SERPINB3: variants seen among roughly 807,000 people sequenced by gnomAD.
The protein encoded by SERPINB3 is serpin B3.
A neutral mutation model predicts 33.0 loss-of-function variants in SERPINB3; 33 were observed. That is an observed-to-expected ratio of 1.00 (90% confidence interval 0.76 to 1.34). The LOEUF (loss-of-function observed/expected upper bound fraction) is 1.34, where lower values mean the gene tolerates loss of function less well. Ranked by LOEUF, SERPINB3 falls within the 40% of genes most tolerant of loss-of-function variation. SERPINB3 has a pLI of 0.00. For missense variants in SERPINB3, 518 were observed against 461.5 expected, an observed-to-expected ratio of 1.12 and a Z score of -1.12; for synonymous variants, 200 against 170.9, an observed-to-expected ratio of 1.17 and a Z score of -1.33.
chr18:63,660,914 G>A, intron 2 of SERPINB3, 58 bp from the exon 3 acceptor site: 2 of 1,612,344 alleles, frequency 1.2e-6, no homozygotes, highest in Non-Finnish European at 1.7e-6. Flanking sequence ...GTTTAAGTCA[G>A]TGGTCTCACA....
At position 63,656,844 on chromosome 18, in the gene SERPINB3, T is replaced by C; in HGVS notation, c.755A>G (p.Asp252Gly). ...GCAAGTTCTTACCTTCTGGAGACCATCGATTTCATTTGGCAGCAACACAAT... is the reference window on the plus strand; with the variant it reads ...GCAAGTTCTTACCTTCTGGAGACCACCGATTTCATTTGGCAGCAACACAAT... The part of the protein sequence containing the change: ...SMIVLLPNEI[D>G]GLQKLEEKLT... The change falls in exon 7 of 8, where the codon GAT becomes GGT. Residue 252 changes from aspartate (D) to glycine (G), a missense_variant. Transcript: ENST00000283752. 1 of 1,610,524 alleles carries C rather than the reference T, an allele frequency of 6.2e-7. No individual in the cohort carries two copies. The highest frequency in any genetic ancestry group is 2.2e-5 in the East Asian group (1 of 44,852).
intron 3 of SERPINB3, among the ~76,000 whole-genome samples, chr18:63,659,950 C>T (rs1284200697): frequency 2.6e-5 from 4 of 152,160 alleles, no homozygotes; most frequent in Non-Finnish European, 5.9e-5. Flanking sequence ...CCCTGTTATA[C>T]CTGTTGGTGC....
At position 63,656,695 on chromosome 18, in the gene SERPINB3, G is replaced by A. The variant is rs1913505189; in HGVS notation, c.768+136C>T. 3.0e-6 allele frequency: 3 copies of A among 1,011,964 alleles called. No homozygotes were observed. In the African/African-American group the frequency reaches 4.9e-5, roughly 16 times the overall value. 62.7% of individuals were successfully genotyped at this position (1,011,964 alleles called of 1,614,324 possible). On this transcript the variant is annotated intron_variant, in intron 7 of 7. Transcript: ENST00000283752. ...ATGCTTAAATCTTTGTAATATGAAGGTGAGTCATCATTCCTCATTTAGAAT... is the reference window on the plus strand; with the variant it reads ...ATGCTTAAATCTTTGTAATATGAAGATGAGTCATCATTCCTCATTTAGAAT...
chr18:63,661,367 C>G, intron 1 of SERPINB3, 125 bp from the exon 2 acceptor site: 2 of 1,077,444 alleles, frequency 1.9e-6, no homozygotes, highest in Non-Finnish European at 2.7e-6. Flanking sequence ...TTTTCCTCAT[C>G]TTATTTTTAA....
At chr18:63,659,649 T>A (rs2144496353) in intron 3 of SERPINB3, 122 bp from the exon 4 acceptor site, 1 of 1,306,760 alleles carries the variant, frequency 7.7e-7, no homozygotes, top group Middle Eastern at 2.6e-4. Flanking sequence ...TTGAGCTTAT[T>A]CCCTGATACT....
chr18:63,657,292 T>C lies in SERPINB3; in HGVS notation c.590A>G (p.Glu197Gly). ...TACCTTGTTTGGCCAAAATTTTTCC[T>C]CTTTAGTATCTTCTTTATTAAATTT... ...EKKFNKEDTK[E>G]EKFWPNKNTY... is the part of the protein sequence containing the mutation. The change falls in exon 6 of 8, where the codon GAG becomes GGG. Residue 197 changes from glutamate (E) to glycine (G), a missense_variant. Coordinates refer to ENST00000283752, the MANE Select transcript of SERPINB3 (RefSeq NM_006919.3). 1 of 1,589,540 alleles carries C rather than the reference T, an allele frequency of 6.3e-7. No homozygotes were observed. Among genetic ancestry groups the C allele is most frequent in the South Asian group, 1.2e-5 (1 of 86,280 alleles).
At chr18:63,657,467 G>A (rs1913528174) in intron 5 of SERPINB3, 55 bp from the exon 6 acceptor site, 3 of 1,433,802 alleles carry the variant, frequency 2.1e-6, no homozygotes, top group Non-Finnish European at 2.8e-6. Context: ...GGCTTGTCTG[G>A]AAGATGCTTT....
At position 63,655,779 on chromosome 18, in the gene SERPINB3, CT is replaced by C. The variant is rs201374310; in HGVS notation, c.1050del (p.Gly351AspfsTer23). On this transcript the variant is annotated frameshift_variant, in exon 8 of 8. Transcript: ENST00000283752. LOFTEE classifies it low-confidence loss of function (END_TRUNC). ...GTTGAAGTAGGTGATGATCCGAATCCTACTACAGCGGTGGCAGCTGCAGCTT... is the reference window on the plus strand; with the variant it reads ...GTTGAAGTAGGTGATGATCCGAATCCACTACAGCGGTGGCAGCTGCAGCTT... ...GAEAAAATAV[V>X]GFGSSPTSTN... The C allele has an allele frequency of 0.01, 16,710 of 1,613,816 alleles. 1,134 individuals are homozygous for C. The African/African-American group carries it at 0.17, about 16-fold the overall frequency.
At chr18:63,659,577 A>T (rs1390640838) in intron 3 of SERPINB3, 50 bp from the exon 4 acceptor site, 1 of 1,611,856 alleles carries the variant, frequency 6.2e-7, no homozygotes, top group East Asian at 2.2e-5. Context: ...CAATGTAAAT[A>T]CTAAACCCAT....
intron 5 of SERPINB3, 76 bp downstream of exon 5, chr18:63,658,437 C>T: frequency 4.9e-6 from 6 of 1,217,178 alleles, no homozygotes; most frequent in Non-Finnish European, 7.2e-6. Context: ...ACCCATGGTC[C>T]CCCATGCAGT....
In SERPINB3 at chr18:63,656,749, C is replaced by T. The variant is rs1337873488; in HGVS notation, c.768+82G>A. ...TCATTATTTTGAGGCAACTCGGTCA[C>T]CAGCTTTTACCTTGTTTAAACTTGG... is the stretch of plus-strand genomic sequence containing the variant. On this transcript the variant is annotated intron_variant, in intron 7 of 7. Transcript: ENST00000283752. The T allele has an allele frequency of 6.9e-6, 10 of 1,454,352 alleles. 1 individual carries two copies. In the East Asian group the frequency reaches 1.6e-4, roughly 24 times the overall value. The allele number at this position is 1,454,352 out of a possible 1,614,324, so 90.1% of individuals were successfully genotyped here.
In SERPINB3 at chr18:63,658,441, A is replaced by G. The variant is rs1913553864; in HGVS notation, c.469+72T>C. The stretch of plus-strand genomic sequence containing the variant: ...TCTCAATTCCCACCCATGGTCCCCC[A>G]TGCAGTTTCAGGCATAGGGCTCACT... On this transcript the variant is annotated intron_variant, in intron 5 of 7. Transcript: ENST00000283752. 8.6e-6 allele frequency: 11 copies of G among 1,283,952 alleles called. No individual in the cohort carries two copies. The East Asian group carries it at 2.3e-4, about 27-fold the overall frequency. 79.5% of individuals were successfully genotyped at this position (1,283,952 alleles called of 1,614,324 possible). A position where few individuals can be genotyped will look rare whatever the true frequency, so the allele number is the denominator to read the frequency against.
At position 63,659,461 on chromosome 18, in the gene SERPINB3, C is replaced by G; in HGVS notation, c.289G>C (p.Asp97His). The G allele has an allele frequency of 5.0e-6, 8 of 1,613,626 alleles. 1 individual carries two copies. In the South Asian group the frequency reaches 6.6e-5, roughly 13 times the overall value. ...KLLTEFNKST[D>H]AYELKIANKL... is the part of the protein sequence containing the mutation. ...TTGGCGATCTTCAGCTCATATGCAT[C>G]AGTGGATTTGTTGAATTCAGTCAGA... The change falls in exon 4 of 8, where the codon GAT becomes CAT. Residue 97 changes from aspartate (D) to histidine (H), a missense_variant. Physicochemically the swap from Asp to His is moderately conservative, Grantham distance 81. Transcript: ENST00000283752.
At position 63,659,501 on chromosome 18, in the gene SERPINB3, G is replaced by T. The variant is rs781115516; in HGVS notation, c.249C>A (p.His83Gln). The T allele has an allele frequency of 4.3e-6, 7 of 1,613,462 alleles. No homozygotes were observed. In the African/African-American group the frequency reaches 9.3e-5, roughly 22 times the overall value. ...ATTCAGTCAGAAGCTTTTGAAACTG[G>T]TGATGAACATTTCCTGACCTATCAA... ...YHVDRSGNVH[H>Q]QFQKLLTEFN... Residue 83 changes from histidine to glutamine, a missense_variant, in exon 4 of 8, where the codon CAC becomes CAA. By Grantham distance (24) the His-to-Gln change is conservative. Transcript: ENST00000283752.
In SERPINB3 at chr18:63,655,967, T is replaced by G; in HGVS notation, c.863A>C (p.Lys288Thr). Residue 288 changes from lysine to threonine, a missense_variant, in exon 8 of 8, where the codon AAA (lysine) becomes ACA (threonine). By Grantham distance (78) the Lys-to-Thr change is moderately conservative. Transcript: ENST00000283752. ...TRVDLHLPRF[K>T]VEESYDLKDT... The stretch of plus-strand genomic sequence containing the variant: ...CTTGAGGTCATAGCTCTCTTCCACT[T>G]TGAACCGAGGTAAGTGTAAATCGAC... 6.2e-7 allele frequency: 1 copy of G among 1,614,016 alleles called. No individual in the cohort carries two copies. Among genetic ancestry groups the G allele is most frequent in the Non-Finnish European group, 8.5e-7 (1 of 1,179,944 alleles).
chr18:63,658,338 C>T (rs1436943851), intron 5 of SERPINB3, among the ~76,000 whole-genome samples, 175 bp downstream of exon 5: 1 of 152,090 alleles, frequency 6.6e-6, no homozygotes, highest in Non-Finnish European at 1.5e-5. Flanking sequence ...TCCTCCTTGG[C>T]TCCCCTAGGC....
rs530954307 is a variant in SERPINB3 at position 63,661,850 on chromosome 18, G to A, written c.-31C>T. Reference sequence around the variant, plus strand: ...GGAGAGGCTTGAAGCTCTTACCTGTGTTCCTAGAGGAAGCAGAGGTGGGCA... The same window carrying A: ...GGAGAGGCTTGAAGCTCTTACCTGTATTCCTAGAGGAAGCAGAGGTGGGCA... On this transcript the variant is annotated 5_prime_UTR_variant, in exon 1 of 8. Transcript: ENST00000283752. 2 of 152,614 alleles carry A rather than the reference G, an allele frequency of 1.3e-5. No individual in the cohort carries two copies. The highest frequency in any genetic ancestry group is 1.9e-4 in the East Asian group (1 of 5,166). The allele number at this position is 152,614 out of a possible 1,614,324, so 9.5% of individuals were successfully genotyped here.
At chr18:63,657,066 C>T (rs546436223) in intron 6 of SERPINB3, 80 bp from the exon 7 acceptor site, 2 of 1,251,804 alleles carry the variant, frequency 1.6e-6, no homozygotes, top group Admixed American at 2.4e-5. Flanking sequence ...ATCAACACAT[C>T]CTTCTTTTAA....
Position 63,658,581 on chromosome 18 carries a change from A to G in SERPINB3, c.401T>C (p.Val134Ala), listed in dbSNP as rs148254791. The G allele has an allele frequency of 0.012, 18,427 of 1,592,104 alleles. 297 individuals are homozygous for G. Among genetic ancestry groups the G allele is most frequent in the Non-Finnish European group, 0.014 (16,264 of 1,160,076 alleles). Residue 134 changes from valine to alanine, a missense_variant, in exon 5 of 8, where the codon GTT becomes GCT. Transcript: ENST00000283752. The stretch of plus-strand genomic sequence containing the variant: ...TTCTTCTGGAGCATTTGCAAAATCA[A>G]CAGATTCCACACTGGTCTGGTAAAA... ...KKFYQTSVES[V>A]DFANAPEESR...
Sources: gnomAD v4.1 joint callset for allele counts (sites outside exome capture counted in the v4.1 genomes callset) on GRCh38, gnomAD v4.1.1 for gene constraint, MANE v1.5 for transcripts, NCBI Gene and HGNC (gene_info 2026-07-23, HGNC 2026-07-21) for gene names.